The following CEMIP2 variants were observed in gnomAD, a reference collection of about 807,000 sequenced individuals.
The protein encoded by CEMIP2 is cell migration inducing hyaluronidase 2.
CEMIP2 carries 79 observed loss-of-function variants against 146.9 expected under a neutral mutation model. The ratio of observed to expected loss-of-function variants is 0.54; its 90% CI spans 0.45 to 0.65. The LOEUF (loss-of-function observed/expected upper bound fraction) is 0.65. Among genes scored for constraint, CEMIP2 ranks in the 30% least tolerant of loss-of-function variants. CEMIP2 has a pLI of 0.00. For missense variants in CEMIP2, 1,596 were observed against 1,696.2 expected (o/e 0.94, Z 1.04); for synonymous variants, 601 against 606.3 (o/e 0.99, Z 0.13).
intron 1 of CEMIP2, among the ~76,000 whole-genome samples, chr9:71,767,160 C>T (rs1824820522): frequency 6.6e-6 from 1 of 152,196 alleles, no homozygotes; most frequent in South Asian, 2.1e-4. Context: ...TCCATTCTAG[C>T]CAACCAAAGA....
chr9:71,756,215 G>GACAGA (rs1824439249), intron 1 of CEMIP2, among the ~76,000 whole-genome samples: 2 of 105,166 alleles, frequency 1.9e-5, no homozygotes, highest in Non-Finnish European at 4.4e-5. Flanking sequence ...AGATAGATAG[G>GACAGA]CTATATATAT....
intron 2 of CEMIP2, among the ~76,000 whole-genome samples, chr9:71,748,021 A>G (rs1824136564): frequency 1.3e-5 from 2 of 152,204 alleles, no homozygotes; most frequent in Admixed American, 6.5e-5. Flanking sequence ...CTTAATAATG[A>G]GGATTCCTTA....
chr9:71,707,164 A>G (rs1822768914), intron 17 of CEMIP2, among the ~76,000 whole-genome samples: 1 of 152,146 alleles, frequency 6.6e-6, no homozygotes, highest in African/African-American at 2.4e-5. Flanking sequence ...CAGTTCTAGA[A>G]CGTCTATAGT....
chr9:71,732,149 G>A (rs1180318065), intron 7 of CEMIP2, among the ~76,000 whole-genome samples: 7 of 151,786 alleles, frequency 4.6e-5, no homozygotes, highest in Admixed American at 4.6e-4. Flanking sequence ...ATTCTTAAAT[G>A]GTTTAACTAG....
chr9:71,725,546 G>A, intron 11 of CEMIP2, 35 bp downstream of exon 11: 1 of 1,605,412 alleles, frequency 6.2e-7, no homozygotes, highest in South Asian at 1.1e-5. Context: ...ACACTGTCTA[G>A]CATATGTACT....
intron 17 of CEMIP2, among the ~76,000 whole-genome samples, chr9:71,706,724 A>G (rs1822751857): frequency 6.6e-6 from 1 of 152,242 alleles, no homozygotes; most frequent in Non-Finnish European, 1.5e-5. Context: ...ACTTTAAGAC[A>G]GACAGATAGA....
In CEMIP2 at chr9:71,700,950, C is replaced by T. The variant is rs1004836204; in HGVS notation, c.3195-126G>A. The T allele has an allele frequency of 3.0e-5, 26 of 853,220 alleles. No individual in the cohort carries two copies. In the African/African-American group the frequency reaches 4.2e-4, roughly 14 times the overall value. 52.9% of individuals were successfully genotyped at this position (853,220 alleles called of 1,614,324 possible). On this transcript the variant is annotated intron_variant, in intron 18 of 23. Transcript: ENST00000377044. Reference sequence around the variant, plus strand: ...CACTTCCTGCCCATAGTTTTCTCCTCCTTAAATTTCTTCTGTGTGTTGGGC... The same window carrying T: ...CACTTCCTGCCCATAGTTTTCTCCTTCTTAAATTTCTTCTGTGTGTTGGGC...
intron 7 of CEMIP2, among the ~76,000 whole-genome samples, chr9:71,732,030 G>A (rs551159652): frequency 7.0e-4 from 106 of 151,998 alleles, no homozygotes; most frequent in South Asian, 2.1e-3. Context: ...TTCAGAAATC[G>A]CATGCATGGA....
intron 1 of CEMIP2, among the ~76,000 whole-genome samples, chr9:71,763,130 G>A (rs1277889344): frequency 2.0e-5 from 3 of 149,962 alleles, no homozygotes; most frequent in Non-Finnish European, 4.4e-5. Context: ...TCAGGCATAT[G>A]TCCCTGTGTT....
chr9:71,768,292 G>A (rs1420815894), intron 1 of CEMIP2, 65 bp downstream of exon 1: 1 of 137,888 alleles, frequency 7.3e-6, no homozygotes, highest in African/African-American at 2.6e-5. Flanking sequence ...TCCCCGCAGT[G>A]GCCCCCGAGG....
intron 10 of CEMIP2, among the ~76,000 whole-genome samples, chr9:71,726,295 A>G (rs1823383117): frequency 6.6e-6 from 1 of 152,200 alleles, no homozygotes; most frequent in African/African-American, 2.4e-5. Context: ...CCTTAATAGG[A>G]ACATAACAGT....
At chr9:71,751,766 G>A (rs1015605786) in intron 1 of CEMIP2, among the ~76,000 whole-genome samples, 1 of 152,070 alleles carries the variant, frequency 6.6e-6, no homozygotes, top group African/African-American at 2.4e-5. Context: ...ACCCAAAGTT[G>A]CCCTAAAAGT....
In CEMIP2 at chr9:71,728,260, C is replaced by G. The variant is rs1289464061; in HGVS notation, c.2049+1585G>C. 3.3e-4 allele frequency among the ~76,000 whole-genome samples: 2 copies of G among 6,148 alleles called. 1 individual carries two copies. Among genetic ancestry groups the G allele is most frequent in the African/African-American group, 7.2e-4 (2 of 2,768 alleles). 4.0% of individuals were successfully genotyped at this position (6,148 alleles called of 152,430 possible). ...ATATATATATATATATGTATATACACGTATATATATATATATATATGTATA... is the reference window on the plus strand; with the variant it reads ...ATATATATATATATATGTATATACAGGTATATATATATATATATATGTATA... On this transcript the variant is annotated intron_variant, in intron 10 of 23. Coordinates refer to ENST00000377044, the MANE Select transcript of CEMIP2 (RefSeq NM_013390.3).
chr9:71,731,182 G>T (rs1485470615), intron 7 of CEMIP2, among the ~76,000 whole-genome samples: 1 of 152,162 alleles, frequency 6.6e-6, no homozygotes. Context: ...TCTGCTAAGT[G>T]TTTTGATTTG....
At chr9:71,688,894 T>G (rs1822149307) in intron 22 of CEMIP2, among the ~76,000 whole-genome samples, 1 of 152,208 alleles carries the variant, frequency 6.6e-6, no homozygotes, top group Non-Finnish European at 1.5e-5. Context: ...CTTAACACTT[T>G]GTTAAAATGT....
intron 1 of CEMIP2, among the ~76,000 whole-genome samples, chr9:71,757,951 C>A (rs1824513343): frequency 6.6e-6 from 1 of 152,094 alleles, no homozygotes; most frequent in Non-Finnish European, 1.5e-5. Flanking sequence ...TAAGTGTGAC[C>A]AATACTCTCA....
chr9:71,762,526 A>AAAAAAAAAG, intron 1 of CEMIP2, among the ~76,000 whole-genome samples: 1 of 145,620 alleles, frequency 6.9e-6, no homozygotes, highest in African/African-American at 2.5e-5. Flanking sequence ...AAAAAAAAAA[A>AAAAAAAAAG]CTGGCTAGCA....
At chr9:71,732,227 T>C (rs1464194712) in intron 7 of CEMIP2, 124 bp downstream of exon 7, 2 of 1,033,652 alleles carry the variant, frequency 1.9e-6, no homozygotes, top group Non-Finnish European at 2.8e-6. Context: ...TCATTGTCAT[T>C]TGAGAAACAA....
chr9:71,717,894 C>A, intron 13 of CEMIP2, 54 bp downstream of exon 13: 2 of 1,519,776 alleles, frequency 1.3e-6, no homozygotes, highest in South Asian at 1.3e-5. Flanking sequence ...TAAAAAAAAT[C>A]TGAAAAATAA....
Sources: gnomAD v4.1 joint callset for allele counts (sites outside exome capture counted in the v4.1 genomes callset) on GRCh38, gnomAD v4.1.1 for gene constraint, MANE v1.5 for transcripts, NCBI Gene and HGNC (gene_info 2026-07-23, HGNC 2026-07-21) for gene names.